The following CADM2 variants were observed in gnomAD, a reference collection of about 807,000 sequenced individuals.
CADM2 encodes the protein immunoglobulin superfamily member 4D.
CADM2 carries 12 observed loss-of-function variants against 49.8 expected under a neutral mutation model. The observed-to-expected ratio is 0.24, with a 90% CI of 0.15 to 0.39. CADM2 has a LOEUF of 0.39. CADM2 is among the 10% of genes least tolerant of loss of function. The probability of loss-of-function intolerance (pLI) is 1.00; values close to 1 mark genes in which losing one functional copy is unlikely to be tolerated. For synonymous variants in CADM2, 214 were observed against 175.4 expected (o/e 1.22, Z -1.74); for missense variants, 378 against 492.3 (o/e 0.77, Z 2.20).
At position 85,405,729 on chromosome 3, in the gene CADM2, A is replaced by T. The variant is rs1233195349; in HGVS notation, c.62-320793A>T. On this transcript the variant is annotated intron_variant, in intron 1 of 9. Transcript: ENST00000383699. ...TTTTTTAAATTTTAATTTTATTTTA[A>T]GTTTTGGAGTACACGTGCAGGATGT... is the stretch of plus-strand genomic sequence containing the variant. 3.3e-5 allele frequency among the ~76,000 whole-genome samples: 5 copies of T among 152,008 alleles called. No individual in the cohort carries two copies. The South Asian group carries it at 6.2e-4, about 19-fold the overall frequency.
At chr3:85,984,798 A>C (rs1182386459) in intron 8 of CADM2, among the ~76,000 whole-genome samples, 1 of 151,934 alleles carries the variant, frequency 6.6e-6, no homozygotes, top group East Asian at 1.9e-4. Context: ...TGATTCAAAT[A>C]TAGATTTAGT....
intron 1 of CADM2, among the ~76,000 whole-genome samples, chr3:85,667,938 A>G (rs2107625492): frequency 6.6e-6 from 1 of 152,198 alleles, no homozygotes; most frequent in Non-Finnish European, 1.5e-5. Flanking sequence ...TTATTGCACA[A>G]TAAATGCCAG....
chr3:86,043,192 C>T lies in CADM2; in HGVS notation c.971-22413C>T, dbSNP rs1297703419. Among the ~76,000 whole-genome samples, 7 of 152,276 alleles carry T rather than the reference C, an allele frequency of 4.6e-5. No homozygotes were observed. In the East Asian group the frequency reaches 1.2e-3, roughly 25 times the overall value. ...CACAAGACAGGGATGCCTTCTCTCACCACTCCTATTCAACATAGTGTTGGA... is the reference window on the plus strand; with the variant it reads ...CACAAGACAGGGATGCCTTCTCTCATCACTCCTATTCAACATAGTGTTGGA... On this transcript the variant is annotated intron_variant, in intron 8 of 9. Coordinates refer to ENST00000383699, the MANE Select transcript of CADM2 (RefSeq NM_001167675.2).
rs1001665330 is a variant in CADM2, at chr3:85,002,124, T to A, written c.61+42456T>A. On this transcript the variant is annotated intron_variant, in intron 1 of 9. Transcript: ENST00000383699. ...GATTTGCTCAATCTGATATTTACAT[T>A]TAGTAGCAACATCATTTCTTAATAT... Among the ~76,000 whole-genome samples the A allele has an allele frequency of 1.7e-3, 258 of 152,280 alleles. 4 individuals are homozygous for A. Among genetic ancestry groups the A allele is most frequent in the Non-Finnish European group, 9.7e-4 (66 of 68,020 alleles).
chr3:85,126,407 G>T (rs1479371849), intron 1 of CADM2, among the ~76,000 whole-genome samples: 2 of 152,052 alleles, frequency 1.3e-5, no homozygotes, highest in Non-Finnish European at 2.9e-5. Context: ...TATATTTTAA[G>T]ATTGTTAGTG....
intron 1 of CADM2, among the ~76,000 whole-genome samples, chr3:85,342,162 A>G (rs1332453185): frequency 6.6e-6 from 1 of 152,156 alleles, no homozygotes. Context: ...TAAAAAATTT[A>G]CTAGAAAAAA....
At chr3:85,709,465 T>C (rs1174537087) in intron 1 of CADM2, among the ~76,000 whole-genome samples, 2 of 152,126 alleles carry the variant, frequency 1.3e-5, no homozygotes, top group African/African-American at 4.8e-5. Context: ...TAAGAGGCAG[T>C]GCTTTGTTAA....
intron 1 of CADM2, among the ~76,000 whole-genome samples, chr3:85,693,000 C>T (rs2066432872): frequency 6.6e-6 from 1 of 151,958 alleles, no homozygotes; most frequent in Non-Finnish European, 1.5e-5. Flanking sequence ...GAGGCTGAGG[C>T]GGGCGGATCA....
chr3:85,913,455 T>C (rs953846846), intron 6 of CADM2, among the ~76,000 whole-genome samples: 6 of 152,328 alleles, frequency 3.9e-5, no homozygotes, highest in African/African-American at 1.2e-4. Flanking sequence ...GTGTGTGATA[T>C]GCAATTACAT....
chr3:85,113,422 A>G (rs2038529226), intron 1 of CADM2, among the ~76,000 whole-genome samples: 1 of 152,132 alleles, frequency 6.6e-6, no homozygotes, highest in Non-Finnish European at 1.5e-5. Flanking sequence ...AGGCACCACT[A>G]CATTTTTTAG....
chr3:85,361,243 C>T (rs1001565798), intron 1 of CADM2, among the ~76,000 whole-genome samples: 5 of 151,980 alleles, frequency 3.3e-5, no homozygotes, highest in African/African-American at 4.8e-5. Flanking sequence ...GAGGCAGCAG[C>T]GAGAGAGGAA....
At chr3:85,615,753 C>T (rs947758940) in intron 1 of CADM2, among the ~76,000 whole-genome samples, 2 of 151,680 alleles carry the variant, frequency 1.3e-5, no homozygotes, top group Non-Finnish European at 2.9e-5. Flanking sequence ...TGATGCTGCC[C>T]TATAGATCTG....
At chr3:85,727,329 G>T (rs557579587) in intron 2 of CADM2, among the ~76,000 whole-genome samples, 2 of 151,944 alleles carry the variant, frequency 1.3e-5, no homozygotes, top group Non-Finnish European at 2.9e-5. Flanking sequence ...TATGACATAC[G>T]CTCATCTTTG....
intron 1 of CADM2, among the ~76,000 whole-genome samples, chr3:85,278,089 T>G (rs2043404938): frequency 1.3e-5 from 2 of 151,264 alleles, no homozygotes; most frequent in East Asian, 3.9e-4. Flanking sequence ...TTTATTTCAC[T>G]AATTTTATTG....
At chr3:85,084,619 A>G (rs1334243578) in intron 1 of CADM2, among the ~76,000 whole-genome samples, 1 of 152,196 alleles carries the variant, frequency 6.6e-6, no homozygotes, top group East Asian at 1.9e-4. Flanking sequence ...TGGTGAAATG[A>G]TAATATTTTC....
At chr3:85,532,038 G>T (rs970979235) in intron 1 of CADM2, among the ~76,000 whole-genome samples, 1 of 152,184 alleles carries the variant, frequency 6.6e-6, no homozygotes. Flanking sequence ...TTAGCCAGGC[G>T]TGGTGGCGGG....
intron 1 of CADM2, among the ~76,000 whole-genome samples, chr3:84,998,647 C>T (rs2033298247): frequency 1.3e-5 from 2 of 152,056 alleles, no homozygotes; most frequent in Admixed American, 1.3e-4. Flanking sequence ...CGCTTGCTAA[C>T]AATTGTTCTG....
At chr3:85,224,659 G>C (rs1408585056) in intron 1 of CADM2, among the ~76,000 whole-genome samples, 2 of 152,100 alleles carry the variant, frequency 1.3e-5, no homozygotes, top group African/African-American at 4.8e-5. Flanking sequence ...TGGTGTTTTA[G>C]TCATGAAGTC....
chr3:85,121,687 A>G (rs1367330302), intron 1 of CADM2, among the ~76,000 whole-genome samples: 1 of 152,112 alleles, frequency 6.6e-6, no homozygotes. Flanking sequence ...ACCTATCTTC[A>G]TTCATCAGTA....
Sources: allele counts gnomAD v4.1 joint callset (sites outside exome capture counted in the v4.1 genomes callset), GRCh38; gene constraint gnomAD v4.1.1; transcripts MANE v1.5; gene names NCBI Gene and HGNC (gene_info 2026-07-23, HGNC 2026-07-21).